Variants in SLC2A9 observed in about 807,000 individuals in gnomAD.
SLC2A9 encodes the protein solute carrier family 2 member 9.
SLC2A9 carries 39 observed loss-of-function variants against 50.6 expected under a neutral mutation model. The observed-to-expected ratio is 0.77, with a 90% CI of 0.60 to 1.01. The LOEUF (loss-of-function observed/expected upper bound fraction) is 1.01. Among genes scored for constraint, SLC2A9 ranks in the 50% least tolerant of loss-of-function variants. The probability of loss-of-function intolerance (pLI) is 0.00; values close to 1 mark genes in which losing one functional copy is unlikely to be tolerated. For synonymous variants in SLC2A9, 324 were observed against 276.9 expected (o/e 1.17, Z -1.69); for missense variants, 686 against 677.6 (o/e 1.01, Z -0.14).
intron 6 of SLC2A9, among the ~76,000 whole-genome samples, chr4:9,931,076 T>C (rs1745810120): frequency 1.3e-5 from 2 of 152,060 alleles, no homozygotes; most frequent in South Asian, 4.2e-4. Context: ...GCCTGGGAAA[T>C]TGCTATCTAT....
chr4:9,955,866 G>GGTTT (rs1310224829), intron 5 of SLC2A9, among the ~76,000 whole-genome samples: 1 of 81,628 alleles, frequency 1.2e-5, no homozygotes, highest in African/African-American at 6.0e-5. Flanking sequence ...CAAGCATCTG[G>GGTTT]ATTTTTTTTT....
chr4:9,852,056 C>G (rs981893014), intron 10 of SLC2A9, among the ~76,000 whole-genome samples: 2 of 152,074 alleles, frequency 1.3e-5, no homozygotes, highest in Non-Finnish European at 2.9e-5. Flanking sequence ...CTGTGAGATA[C>G]TATATAAGAT....
At chr4:9,972,998 A>G (rs556137145) in intron 5 of SLC2A9, among the ~76,000 whole-genome samples, 7 of 152,320 alleles carry the variant, frequency 4.6e-5, no homozygotes, top group South Asian at 2.1e-4. Flanking sequence ...CAAAGAATCA[A>G]TGAAACCAAA....
chr4:9,830,457 C>T (rs1170387214), intron 11 of SLC2A9, among the ~76,000 whole-genome samples: 2 of 152,294 alleles, frequency 1.3e-5, no homozygotes, highest in East Asian at 1.9e-4. Flanking sequence ...TAGCAAACCA[C>T]CACGGCATGT....
downstream of SLC2A9, among the ~76,000 whole-genome samples, chr4:9,822,443 C>T (rs1339852980): frequency 6.6e-6 from 1 of 150,810 alleles, no homozygotes; most frequent in African/African-American, 2.4e-5. Flanking sequence ...ACATAATCTC[C>T]TCTTTATCAT....
At chr4:9,825,448 C>A (rs1724981461), downstream of SLC2A9, among the ~76,000 whole-genome samples, 1 of 152,146 alleles carries the variant, frequency 6.6e-6, no homozygotes, top group Non-Finnish European at 1.5e-5. Flanking sequence ...TCAGAGAAAT[C>A]TCTTCTAGAC....
chr4:9,894,173 T>C (rs1371226094), intron 8 of SLC2A9, among the ~76,000 whole-genome samples: 1 of 152,076 alleles, frequency 6.6e-6, no homozygotes, highest in Non-Finnish European at 1.5e-5. Context: ...ACTGGGGAAA[T>C]AGAAATAATC....
At chr4:9,966,773 T>C (rs1753117105) in intron 5 of SLC2A9, among the ~76,000 whole-genome samples, 1 of 152,196 alleles carries the variant, frequency 6.6e-6, no homozygotes, top group Non-Finnish European at 1.5e-5. Context: ...AATGTAAGCA[T>C]TGCTTTAGTC....
intron 6 of SLC2A9, among the ~76,000 whole-genome samples, chr4:9,925,028 A>G (rs538978478): frequency 3.9e-5 from 6 of 152,200 alleles, no homozygotes; most frequent in African/African-American, 1.4e-4. Flanking sequence ...TCCAGTCCAA[A>G]TTCTCATCTG....
intron 2 of SLC2A9, among the ~76,000 whole-genome samples, chr4:10,012,272 T>C (rs1205337632): frequency 2.0e-5 from 3 of 152,210 alleles, no homozygotes; most frequent in African/African-American, 4.8e-5. Context: ...CAAGTCCCCA[T>C]CTGTGAACAT....
chr4:9,965,925 A>G (rs1351284827), intron 5 of SLC2A9, among the ~76,000 whole-genome samples: 1 of 152,128 alleles, frequency 6.6e-6, no homozygotes, highest in African/African-American at 2.4e-5. Flanking sequence ...TTTTTCCCCA[A>G]AAGACTACAG....
Position 9,917,392 on chromosome 4 carries a change from G to A in SLC2A9, c.1002+2993C>T, listed in dbSNP as rs1336420433. 5.9e-5 allele frequency among the ~76,000 whole-genome samples: 8 copies of A among 136,334 alleles called. No homozygotes were observed. The East Asian group carries it at 1.7e-3, about 29-fold the overall frequency. 89.4% of individuals were successfully genotyped at this position (136,334 alleles called of 152,430 possible). ...CTGTGTCCCAGGCTGGGGTGTAGTGGTGCGATCTTGGCTCACTGTAGCCTC... is the reference window on the plus strand; with the variant it reads ...CTGTGTCCCAGGCTGGGGTGTAGTGATGCGATCTTGGCTCACTGTAGCCTC... On this transcript the variant is annotated intron_variant, in intron 7 of 11. Coordinates refer to ENST00000264784, the MANE Select transcript of SLC2A9 (RefSeq NM_020041.3).
At position 9,996,934 on chromosome 4, in the gene SLC2A9, T is replaced by C. The variant is rs747671056; in HGVS notation, c.257A>G (p.Lys86Arg). The change falls in exon 3 of 12, where the codon AAG becomes AGG. Residue 86 changes from lysine to arginine, a missense_variant. Lys to Arg is a conservative substitution (Grantham distance 26, BLOSUM62 2). Coordinates refer to ENST00000264784, the MANE Select transcript of SLC2A9 (RefSeq NM_020041.3). ...TTCCCATGACTCATTGTAAAAGGCC[T>C]TGATGTACTGAAAATAAACAACAAA... ...SVVNAPTPYI[K>R]AFYNESWERR... 1.2e-6 allele frequency: 2 copies of C among 1,614,008 alleles called. No individual in the cohort carries two copies. Among genetic ancestry groups the C allele is most frequent in the East Asian group, 2.2e-5 (1 of 44,866 alleles).
chr4:9,878,884 G>T, intron 10 of SLC2A9: 1 of 249,320 alleles, frequency 4.0e-6, no homozygotes, highest in Non-Finnish European at 6.4e-6. Flanking sequence ...AGTTGTTGGT[G>T]GAGACAAATT....
chr4:9,872,039 C>T (rs779514662), intron 10 of SLC2A9, among the ~76,000 whole-genome samples: 2 of 152,172 alleles, frequency 1.3e-5, no homozygotes, highest in African/African-American at 2.4e-5. Context: ...CTCAGCAGAA[C>T]CTGGATGAGG....
chr4:9,811,173 A>C (rs1241386259), intron 3 of SLC2A9, among the ~76,000 whole-genome samples: 1 of 152,192 alleles, frequency 6.6e-6, no homozygotes, highest in Non-Finnish European at 1.5e-5. Flanking sequence ...GGGCCAATAC[A>C]AATCTTCGTG....
chr4:9,991,419 C>T (rs933779627), intron 3 of SLC2A9, among the ~76,000 whole-genome samples: 5 of 152,144 alleles, frequency 3.3e-5, no homozygotes, highest in African/African-American at 7.2e-5. Context: ...TAACCTCGCT[C>T]GGGCCAAGGA....
intron 3 of SLC2A9, among the ~76,000 whole-genome samples, chr4:9,987,786 C>T (rs1756991965): frequency 6.6e-6 from 1 of 151,918 alleles, no homozygotes; most frequent in African/African-American, 2.4e-5. Context: ...CAAGATCATG[C>T]CACCGCACTC....
At chr4:9,897,352 G>T (rs1738741022) in intron 8 of SLC2A9, among the ~76,000 whole-genome samples, 1 of 152,112 alleles carries the variant, frequency 6.6e-6, no homozygotes, top group Non-Finnish European at 1.5e-5. Context: ...TCTGCCCTTG[G>T]GGAGCTTTAT....
Sources: gnomAD v4.1 joint callset for allele counts (sites outside exome capture counted in the v4.1 genomes callset) on GRCh38, gnomAD v4.1.1 for gene constraint, MANE v1.5 for transcripts, NCBI Gene and HGNC (gene_info 2026-07-23, HGNC 2026-07-21) for gene names.